NEK9: variants seen among roughly 807,000 people sequenced by gnomAD.
NEK9 encodes the protein NIMA related kinase 9.
NEK9 carries 75 observed loss-of-function variants against 123.4 expected under a neutral mutation model. That is an observed-to-expected ratio of 0.61 (90% CI 0.50 to 0.74). The LOEUF (loss-of-function observed/expected upper bound fraction) is 0.74, where lower values mean the gene tolerates loss of function less well. NEK9 is among the 30% of genes least tolerant of loss of function. The pLI, the probability that NEK9 is intolerant of heterozygous loss-of-function variation, is 0.00. For synonymous variants in NEK9, 438 were observed against 458.7 expected, an observed-to-expected ratio of 0.95 and a Z score of 0.58; for missense variants, 952 against 1,214.4, an observed-to-expected ratio of 0.78 and a Z score of 3.21.
intron 21 of NEK9, among the ~76,000 whole-genome samples, chr14:75,085,360 GTCTATTATTTTCTT>G (rs1893988618): frequency 6.6e-6 from 1 of 152,174 alleles, no homozygotes; most frequent in South Asian, 2.1e-4. Flanking sequence ...CATACAAGGT[GTCTATTATTTTCTT>G]TCAGGTGAGA....
rs763959814 is a variant in NEK9, at chr14:75,126,964, G to C, written c.-43C>G. 1.5e-5 allele frequency: 21 copies of C among 1,389,300 alleles called. No individual in the cohort carries two copies. Among genetic ancestry groups the C allele is most frequent in the Non-Finnish European group, 2.0e-5 (21 of 1,060,320 alleles). The allele number at this position is 1,389,300 out of a possible 1,614,324, so 86.1% of individuals were successfully genotyped here. On this transcript the variant is annotated 5_prime_UTR_variant, in exon 1 of 22. Transcript: ENST00000238616. The stretch of plus-strand genomic sequence containing the variant: ...TTGGGGACCAGCCTGCGTATGCCCG[G>C]AGGCCCTGGCCGCGCTGCGTCCCGC...
intron 10 of NEK9, among the ~76,000 whole-genome samples, chr14:75,108,883 C>T (rs926492939): frequency 6.6e-6 from 1 of 152,012 alleles, no homozygotes; most frequent in African/African-American, 2.4e-5. Flanking sequence ...TAATTTCTCT[C>T]CAGCAGCCTG....
At chr14:75,100,316 C>A (rs571561789) in intron 16 of NEK9, among the ~76,000 whole-genome samples, 1 of 150,714 alleles carries the variant, frequency 6.6e-6, no homozygotes, top group South Asian at 2.1e-4. Flanking sequence ...TATGGTGGCG[C>A]ATGCCTGTAA....
intron 4 of NEK9, 82 bp from the exon 5 acceptor site, chr14:75,119,017 G>C: frequency 1.2e-6 from 1 of 809,946 alleles, no homozygotes; most frequent in Non-Finnish European, 2.1e-6. Context: ...GATTATTACA[G>C]AATAAAAATG....
chr14:75,124,531 T>TA (rs1895452442), intron 1 of NEK9, among the ~76,000 whole-genome samples: 1 of 152,136 alleles, frequency 6.6e-6, no homozygotes, highest in African/African-American at 2.4e-5. Flanking sequence ...GACAGACTGC[T>TA]AATCATGATG....
intron 7 of NEK9, among the ~76,000 whole-genome samples, chr14:75,113,968 G>C (rs1410878562): frequency 1.3e-5 from 2 of 152,052 alleles, no homozygotes; most frequent in Non-Finnish European, 2.9e-5. Flanking sequence ...GCACAATTTA[G>C]ATGGGAAATT....
At chr14:75,125,696 G>A (rs1446877998) in intron 1 of NEK9, among the ~76,000 whole-genome samples, 1 of 152,138 alleles carries the variant, frequency 6.6e-6, no homozygotes, top group Non-Finnish European at 1.5e-5. Flanking sequence ...CGTGGCATCA[G>A]GATAAAAAAG....
intron 16 of NEK9, among the ~76,000 whole-genome samples, chr14:75,099,554 G>T (rs1259751293): frequency 6.6e-6 from 1 of 152,030 alleles, no homozygotes; most frequent in Non-Finnish European, 1.5e-5. Context: ...GGCCAAGGCG[G>T]GTGGATCATC....
intron 16 of NEK9, among the ~76,000 whole-genome samples, chr14:75,100,433 C>A (rs1237536516): frequency 6.6e-6 from 1 of 151,906 alleles, no homozygotes; most frequent in Admixed American, 6.6e-5. Flanking sequence ...GCAACAAGAG[C>A]GAAACTCTGT....
rs1167437528 is a variant in NEK9 at position 75,124,111 on chromosome 14, ATGT to A, written c.329_331del (p.Asn110del). ...CATGAAGTGATTGTAGTAGGCAATA[ATGT>A]TGTCGTGCTGCAGCAGTGCCAGAAT... is the stretch of plus-strand genomic sequence containing the variant. On this transcript the variant is annotated inframe_deletion, in exon 2 of 22. Coordinates refer to ENST00000238616, the MANE Select transcript of NEK9 (RefSeq NM_033116.6). 2 of 1,614,144 alleles carry A rather than the reference ATGT, an allele frequency of 1.2e-6. No individual in the cohort carries two copies. Among genetic ancestry groups the A allele is most frequent in the South Asian group, 1.1e-5 (1 of 91,084 alleles).
In NEK9 at chr14:75,083,866, C is replaced by G. The variant is rs1893936405; in HGVS notation, c.*698G>C. 1 of 152,272 alleles carries G rather than the reference C, an allele frequency of 6.6e-6. No individual in the cohort carries two copies. The allele number at this position is 152,272 out of a possible 1,614,324, so 9.4% of individuals were successfully genotyped here. On this transcript the variant is annotated 3_prime_UTR_variant, in exon 22 of 22. Coordinates refer to ENST00000238616, the MANE Select transcript of NEK9 (RefSeq NM_033116.6). ...CCTGCATTGGTCACAGCCTGAAACACCAGCTGTGTGATGAGGAGGGTCCTG... is the reference window on the plus strand; with the variant it reads ...CCTGCATTGGTCACAGCCTGAAACAGCAGCTGTGTGATGAGGAGGGTCCTG...
At chr14:75,113,544 T>C in intron 7 of NEK9, 141 bp from the exon 8 acceptor site, 1 of 622,066 alleles carries the variant, frequency 1.6e-6, no homozygotes, top group Non-Finnish European at 2.8e-6. Flanking sequence ...ATTTTATGCT[T>C]CTCACCTCAT....
In NEK9 at chr14:75,088,900, C is replaced by T. The variant is rs189453649; in HGVS notation, c.2443-259G>A. Among the ~76,000 whole-genome samples the T allele has an allele frequency of 2.0e-4, 31 of 152,314 alleles. No individual in the cohort carries two copies. The East Asian group carries it at 4.8e-3, about 24-fold the overall frequency. ...GTCACTCCAACACGCTTATTCTACA[C>T]AGGCTATTCAGTGAGCTGGGGCGCT... is the stretch of plus-strand genomic sequence containing the variant. On this transcript the variant is annotated intron_variant, in intron 19 of 21. Coordinates refer to ENST00000238616, the MANE Select transcript of NEK9 (RefSeq NM_033116.6).
intron 14 of NEK9, among the ~76,000 whole-genome samples, chr14:75,102,944 CA>C (rs569544672): frequency 7.0e-6 from 1 of 143,442 alleles, no homozygotes; most frequent in Non-Finnish European, 1.5e-5. Context: ...ATTGCAAGGA[CA>C]AAAAATCAAA....
chr14:75,116,408 G>A, intron 6 of NEK9: 1 of 230,548 alleles, frequency 4.3e-6, no homozygotes. Context: ...CTGCACTCCA[G>A]GCCTGGGCAA....
Position 75,088,658 on chromosome 14 carries a change from G to T in NEK9, c.2443-17C>A, listed in dbSNP as rs201381657. 26 of 1,607,406 alleles carry T rather than the reference G, an allele frequency of 1.6e-5. No homozygotes were observed. The East Asian group carries it at 3.1e-4, about 19-fold the overall frequency. On this transcript the variant is annotated splice_polypyrimidine_tract_variant and intron_variant, in intron 19 of 21. Coordinates refer to ENST00000238616, the MANE Select transcript of NEK9 (RefSeq NM_033116.6). ...TTCCAGCTCCTATGTATATGAGAAA[G>T]AATCTCATTAGTCTGTTTGCAGTAT...
In NEK9 at chr14:75,084,277, T is replaced by A; in HGVS notation, c.*287A>T. 2.9e-6 allele frequency: 1 copy of A among 342,130 alleles called. No homozygotes were observed. The highest frequency in any genetic ancestry group is 4.1e-5 in the South Asian group (1 of 24,292). The allele number at this position is 342,130 out of a possible 1,614,324, so 21.2% of individuals were successfully genotyped here. ...GAGCACTGTGTCTCCTCTTCAAAGG[T>A]GGGATCAACAGATGAGGTACAGAGC... On this transcript the variant is annotated 3_prime_UTR_variant, in exon 22 of 22. Coordinates refer to ENST00000238616, the MANE Select transcript of NEK9 (RefSeq NM_033116.6).
rs1894676201 is a variant in NEK9, at chr14:75,103,938, A to G, written c.1635T>C (p.Phe545=). 1 of 1,614,196 alleles carries G rather than the reference A, an allele frequency of 6.2e-7. No homozygotes were observed. The highest frequency in any genetic ancestry group is 2.2e-5 in the East Asian group (1 of 44,882). Residue 545 remains phenylalanine, a synonymous_variant, in exon 14 of 22, where the codon TTT becomes TTC. Coordinates refer to ENST00000238616, the MANE Select transcript of NEK9 (RefSeq NM_033116.6). ...VAVQCGCDGT[F]LLTQSGKVLA... ...GCACTTTGCCTGACTGGGTCAACAG[A>G]AATGTCCCATCACAGCCACATTGAA...
chr14:75,111,795 G>C (rs1894966570), intron 8 of NEK9, among the ~76,000 whole-genome samples: 1 of 152,198 alleles, frequency 6.6e-6, no homozygotes, highest in Non-Finnish European at 1.5e-5. Flanking sequence ...AGAGGCTAAG[G>C]CAGGAGAACT....
Sources: allele counts gnomAD v4.1 joint callset (sites outside exome capture counted in the v4.1 genomes callset), GRCh38; gene constraint gnomAD v4.1.1; transcripts MANE v1.5; gene names NCBI Gene and HGNC (gene_info 2026-07-23, HGNC 2026-07-21).